The following TPTE2 variants were observed in gnomAD, a reference collection of about 807,000 sequenced individuals.
The protein encoded by TPTE2 is phosphatidylinositol 3,4,5-trisphosphate 3-phosphatase TPTE2.
TPTE2 carries 53 observed loss-of-function variants against 78.6 expected under a neutral mutation model. That is an observed-to-expected ratio of 0.67 (90% confidence interval 0.54 to 0.85). The LOEUF (loss-of-function observed/expected upper bound fraction) is 0.85. Among genes scored for constraint, TPTE2 ranks in the 40% least tolerant of loss-of-function variants. TPTE2 has a pLI of 0.00. For synonymous variants in TPTE2, 175 were observed against 206.2 expected (o/e 0.85, Z 1.30); for missense variants, 461 against 623.0 (o/e 0.74, Z 2.77).
At chr13:19,479,207 A>G (rs1406955274) in intron 4 of TPTE2, among the ~76,000 whole-genome samples, 1 of 152,210 alleles carries the variant, frequency 6.6e-6, no homozygotes, top group Non-Finnish European at 1.5e-5. Flanking sequence ...TTCTAAAAGT[A>G]AAGATAAATA....
chr13:19,533,492 A>G (rs9508350), intron 1 of TPTE2, among the ~76,000 whole-genome samples: 117,379 of 152,210 alleles, frequency 0.77, 46,878 homozygotes, highest in East Asian at 0.96. Flanking sequence ...AAATACAAAC[A>G]CAGCAAGCTG....
chr13:19,426,879 A>G (rs1157485060), intron 17 of TPTE2, among the ~76,000 whole-genome samples: 1 of 151,074 alleles, frequency 6.6e-6, no homozygotes, highest in Non-Finnish European at 1.5e-5. Context: ...TAATTTTTGA[A>G]TTTTTAGTAG....
chr13:19,449,970 T>C lies in TPTE2; in HGVS notation c.973+106A>G. 2.6e-6 allele frequency: 3 copies of C among 1,172,082 alleles called. No homozygotes were observed. In the Admixed American group the frequency reaches 7.4e-5, roughly 29 times the overall value. 72.6% of individuals were successfully genotyped at this position (1,172,082 alleles called of 1,614,324 possible). A position where few individuals can be genotyped will look rare whatever the true frequency, so the allele number is the denominator to read the frequency against. ...TCTTGGAGCTAATATTTAAAAATGCTAACAATTATTAATACATATTAATAG... is the reference window on the plus strand; with the variant it reads ...TCTTGGAGCTAATATTTAAAAATGCCAACAATTATTAATACATATTAATAG... On this transcript the variant is annotated intron_variant, in intron 13 of 19. Transcript: ENST00000400230.
In TPTE2 at chr13:19,535,614, A is replaced by ATTTATTTATTTATTTG. The variant is rs1269369668; in HGVS notation, c.-44+981_-44+982insCAAATAAATAAATAAA. 6.2e-4 allele frequency among the ~76,000 whole-genome samples: 3 copies of ATTTATTTATTTATTTG among 4,866 alleles called. No homozygotes were observed. Among genetic ancestry groups the ATTTATTTATTTATTTG allele is most frequent in the Non-Finnish European group, 4.1e-3 (3 of 726 alleles). 3.2% of individuals were successfully genotyped at this position (4,866 alleles called of 152,430 possible). ...GTAATACTATCTCCAGGATTTTCTT[A>ATTTATTTATTTATTTG]TTTATTTATTTATTTATTTATTTAT... is the stretch of plus-strand genomic sequence containing the variant. On this transcript the variant is annotated intron_variant, in intron 1 of 17. Coordinates refer to the TPTE2 transcript ENST00000390680. The surrounding 1 kb of genome is among the most constrained non-coding windows in gnomAD (Gnocchi z 5.1).
intron 13 of TPTE2, among the ~76,000 whole-genome samples, chr13:19,447,970 GAACAAA>G (rs1877944042): frequency 6.6e-6 from 1 of 151,972 alleles, no homozygotes; most frequent in African/African-American, 2.4e-5. Flanking sequence ...AATATTACTG[GAACAAA>G]AACAGACATA....
At chr13:19,476,433 CA>C (rs1448014617) in intron 4 of TPTE2, among the ~76,000 whole-genome samples, 1 of 151,596 alleles carries the variant, frequency 6.6e-6, no homozygotes, top group Non-Finnish European at 1.5e-5. Flanking sequence ...GCCTCCAACA[CA>C]GGACTCAAAT....
At chr13:19,542,678 AAAAATCAAAACC>A in the TPTE2 span, among the ~76,000 whole-genome samples, 4 of 152,136 alleles carry the variant, frequency 2.6e-5, no homozygotes, top group Non-Finnish European at 4.4e-5. Context: ...ATAAAAGTGT[AAAAATCAAAACC>A]AAATAAGCAT....
intron 4 of TPTE2, 49 bp from the exon 8 acceptor site, chr13:19,475,672 T>C (rs1215995239): frequency 9.5e-6 from 15 of 1,576,474 alleles, no homozygotes; most frequent in Non-Finnish European, 1.2e-5. Flanking sequence ...TCTTATATTG[T>C]AAATTTAACC....
chr13:19,559,757 C>T, the TPTE2 span, among the ~76,000 whole-genome samples: 1 of 130,426 alleles, frequency 7.7e-6, no homozygotes, highest in Non-Finnish European at 1.7e-5. Context: ...GGCAAGGCCC[C>T]CTACACTCTT....
intron 13 of TPTE2, among the ~76,000 whole-genome samples, chr13:19,446,061 T>A (rs1192879733): frequency 1.3e-5 from 2 of 152,208 alleles, no homozygotes; most frequent in Non-Finnish European, 2.9e-5. Context: ...TTTGAAAAGA[T>A]GTGCAAAGAC....
chr13:19,450,874 A>T (rs1441713726), intron 11 of TPTE2, among the ~76,000 whole-genome samples: 1 of 152,192 alleles, frequency 6.6e-6, no homozygotes, highest in African/African-American at 2.4e-5. Context: ...CAGGAAAAAC[A>T]GAAAGATTTT....
intron 1 of TPTE2, among the ~76,000 whole-genome samples, chr13:19,512,344 TAAC>T (rs1869505751): frequency 1.3e-5 from 2 of 152,230 alleles, no homozygotes; most frequent in Non-Finnish European, 2.9e-5. Context: ...TACTTTTTGT[TAAC>T]TAACTCACCC....
At chr13:19,482,782 T>C (rs1312218751) in intron 3 of TPTE2, among the ~76,000 whole-genome samples, 1 of 151,324 alleles carries the variant, frequency 6.6e-6, no homozygotes, top group Non-Finnish European at 1.5e-5. Context: ...TCTTCTTTTC[T>C]CTCTCTGTCC....
intron 6 of TPTE2, among the ~76,000 whole-genome samples, chr13:19,471,934 T>A (rs909653302): frequency 3.3e-5 from 5 of 152,216 alleles, no homozygotes; most frequent in African/African-American, 1.2e-4. Context: ...ATATTTTCAC[T>A]GGATACACTG....
At chr13:19,450,428 T>C in intron 11 of TPTE2, 84 bp from the exon 15 acceptor site, 1 of 1,229,212 alleles carries the variant, frequency 8.1e-7, no homozygotes, top group East Asian at 2.4e-5. Context: ...ACATATCTTA[T>C]TAGAATTCCT....
At chr13:19,506,825 T>C (rs1869083250), upstream of TPTE2, among the ~76,000 whole-genome samples, 1 of 152,214 alleles carries the variant, frequency 6.6e-6, no homozygotes, top group African/African-American at 2.4e-5. Flanking sequence ...TGTGATACTT[T>C]GTTAAAGCAG....
chr13:19,540,995 C>A (rs1037476740), upstream of TPTE2, among the ~76,000 whole-genome samples: 5 of 152,224 alleles, frequency 3.3e-5, no homozygotes, highest in African/African-American at 1.2e-4. Context: ...CAGGGTCTCA[C>A]AAGGCTGTAA....
chr13:19,461,453 T>C (rs1024104230), intron 10 of TPTE2, among the ~76,000 whole-genome samples: 1 of 151,988 alleles, frequency 6.6e-6, no homozygotes, highest in Non-Finnish European at 1.5e-5. Flanking sequence ...CCTCTCTACG[T>C]AAAAATATAC....
At chr13:19,532,023 G>A (rs1870911033) in intron 1 of TPTE2, among the ~76,000 whole-genome samples, 1 of 152,174 alleles carries the variant, frequency 6.6e-6, no homozygotes, top group Non-Finnish European at 1.5e-5. Context: ...TAAAGAGTAT[G>A]GCATATGGAG....
Sources: gnomAD v4.1 joint callset for allele counts (sites outside exome capture counted in the v4.1 genomes callset) on GRCh38, gnomAD v4.1.1 for gene constraint, Gnocchi (gnomAD v3.1) non-coding constraint, MANE v1.5 for transcripts, NCBI Gene and HGNC (gene_info 2026-07-23, HGNC 2026-07-21) for gene names.